The following LRMDA variants were observed in gnomAD, a reference collection of about 807,000 sequenced individuals.
LRMDA encodes the protein leucine-rich melanocyte differentiation-associated protein.
LRMDA carries 18 observed loss-of-function variants against 29.8 expected under a neutral mutation model. The observed-to-expected ratio is 0.60, with a 90% confidence interval of 0.42 to 0.90. LRMDA has a LOEUF of 0.90. Ranked by LOEUF, LRMDA falls within the 40% of genes least tolerant of loss-of-function variation. The pLI is 0.00. For missense variants in LRMDA, 273 were observed against 273.9 expected (o/e 1.00, Z 0.02); for synonymous variants, 125 against 109.4 (o/e 1.14, Z -0.89).
intron 5 of LRMDA, among the ~76,000 whole-genome samples, chr10:76,203,760 T>A (rs1851476791): frequency 6.7e-6 from 1 of 149,638 alleles, no homozygotes; most frequent in African/African-American, 2.5e-5. Flanking sequence ...CTATTCCATG[T>A]GCCCATCTAC....
chr10:76,040,053 A>C (rs535784345), intron 3 of LRMDA, among the ~76,000 whole-genome samples: 65 of 152,134 alleles, frequency 4.3e-4, no homozygotes, highest in Non-Finnish European at 7.8e-4. Flanking sequence ...TTTATGGAAA[A>C]ACTAGGAGTG....
intron 6 of LRMDA, among the ~76,000 whole-genome samples, chr10:76,428,193 T>C (rs1245282514): frequency 6.6e-6 from 1 of 152,214 alleles, no homozygotes; most frequent in Non-Finnish European, 1.5e-5. Flanking sequence ...TTAGAAGTCT[T>C]TAGTGCTTTC....
chr10:76,159,435 G>A (rs1357381100), intron 5 of LRMDA, among the ~76,000 whole-genome samples: 1 of 152,084 alleles, frequency 6.6e-6, no homozygotes, highest in African/African-American at 2.4e-5. Context: ...TCTCTGGAGG[G>A]GAAACAAAAT....
At chr10:76,545,167 T>C (rs895922496) in intron 6 of LRMDA, among the ~76,000 whole-genome samples, 1 of 106,434 alleles carries the variant, frequency 9.4e-6, no homozygotes, top group Admixed American at 1.2e-4. Context: ...TTCTTTTTTT[T>C]TGTTTTTTAT....
intron 2 of LRMDA, among the ~76,000 whole-genome samples, chr10:75,869,212 T>C (rs1845068790): frequency 6.6e-6 from 1 of 152,174 alleles, no homozygotes; most frequent in African/African-American, 2.4e-5. Context: ...AACATTTTAA[T>C]CCCCATTTGA....
intron 6 of LRMDA, among the ~76,000 whole-genome samples, chr10:76,492,485 A>G (rs1275261635): frequency 6.6e-6 from 1 of 152,034 alleles, no homozygotes; most frequent in Admixed American, 6.6e-5. Context: ...AGCTGGAAGA[A>G]TTTTCTGGTT....
At chr10:76,539,930 A>C (rs989926197) in intron 6 of LRMDA, among the ~76,000 whole-genome samples, 1 of 152,096 alleles carries the variant, frequency 6.6e-6, no homozygotes, top group African/African-American at 2.4e-5. Flanking sequence ...TCTGACAGGT[A>C]ATCAAGAATT....
intron 6 of LRMDA, among the ~76,000 whole-genome samples, chr10:76,485,046 T>C (rs1484197603): frequency 6.6e-6 from 1 of 151,914 alleles, no homozygotes; most frequent in East Asian, 1.9e-4. Flanking sequence ...ATAGTTTTTC[T>C]ATAGACCACA....
At chr10:76,485,777 G>T (rs1454273331) in intron 6 of LRMDA, among the ~76,000 whole-genome samples, 3 of 151,684 alleles carry the variant, frequency 2.0e-5, no homozygotes, top group Non-Finnish European at 4.4e-5. Flanking sequence ...AAATATAGAA[G>T]TACCTCTTTT....
At chr10:76,285,923 C>T (rs1233045458) in intron 5 of LRMDA, among the ~76,000 whole-genome samples, 5 of 152,194 alleles carry the variant, frequency 3.3e-5, no homozygotes, top group Admixed American at 2.0e-4. Context: ...TATTAAACTA[C>T]CAAATGTAAT....
At chr10:76,254,705 C>T (rs1294058302) in intron 5 of LRMDA, among the ~76,000 whole-genome samples, 4 of 152,010 alleles carry the variant, frequency 2.6e-5, no homozygotes, top group African/African-American at 4.8e-5. Context: ...TTTCCCTCTT[C>T]ACCTCTTCTC....
intron 2 of LRMDA, among the ~76,000 whole-genome samples, chr10:75,756,461 A>G (rs1004481153): frequency 2.6e-5 from 4 of 152,186 alleles, no homozygotes; most frequent in African/African-American, 9.7e-5. Context: ...GAGATCCCCA[A>G]TATCAGCCTT....
intron 2 of LRMDA, among the ~76,000 whole-genome samples, chr10:75,904,416 G>A (rs940924136): frequency 6.6e-6 from 1 of 152,132 alleles, no homozygotes; most frequent in Non-Finnish European, 1.5e-5. Flanking sequence ...GTTTGCTGGA[G>A]AATTTTCCCC....
chr10:75,708,121 A>G (rs1039471782), intron 2 of LRMDA, among the ~76,000 whole-genome samples: 1 of 152,152 alleles, frequency 6.6e-6, no homozygotes, highest in African/African-American at 2.4e-5. Context: ...CCGCTCTGAC[A>G]GGGATTATTA....
At chr10:76,291,090 G>A (rs1840334824) in intron 5 of LRMDA, among the ~76,000 whole-genome samples, 1 of 152,146 alleles carries the variant, frequency 6.6e-6, no homozygotes, top group Non-Finnish European at 1.5e-5. Flanking sequence ...AAGGAAACAA[G>A]GATTTATTTT....
intron 5 of LRMDA, among the ~76,000 whole-genome samples, chr10:76,256,983 C>T (rs1245949026): frequency 6.6e-6 from 1 of 152,090 alleles, no homozygotes; most frequent in Non-Finnish European, 1.5e-5. Context: ...AGAAACAGGT[C>T]TTGAGTTAGT....
chr10:75,737,373 C>T (rs753744018), intron 2 of LRMDA, among the ~76,000 whole-genome samples: 14 of 152,162 alleles, frequency 9.2e-5, no homozygotes, highest in Non-Finnish European at 1.6e-4. Flanking sequence ...TGGTTTCGCC[C>T]CCATCACCGT....
intron 2 of LRMDA, among the ~76,000 whole-genome samples, chr10:75,717,561 C>T (rs1564548377): frequency 1.3e-5 from 2 of 152,144 alleles, no homozygotes; most frequent in South Asian, 2.1e-4. Context: ...TGCTGTCCTT[C>T]GATGTCCTCT....
At chr10:76,422,404 C>A (rs1842080358) in intron 6 of LRMDA, among the ~76,000 whole-genome samples, 1 of 151,998 alleles carries the variant, frequency 6.6e-6, no homozygotes, top group African/African-American at 2.4e-5. Context: ...TGGTCTTCAG[C>A]CAGCTAGTCT....
Sources: gnomAD v4.1 joint callset for allele counts (sites outside exome capture counted in the v4.1 genomes callset) on GRCh38, gnomAD v4.1.1 for gene constraint, MANE v1.5 for transcripts, NCBI Gene and HGNC (gene_info 2026-07-23, HGNC 2026-07-21) for gene names.